The following ZNF713 variants were observed in gnomAD, a reference collection of about 807,000 sequenced individuals.
ZNF713 encodes zinc finger protein 713.
ZNF713 carries 21 observed loss-of-function variants against 28.7 expected under a neutral mutation model. The ratio of observed to expected loss-of-function variants is 0.73; its 90% CI spans 0.52 to 1.05. The LOEUF is 1.05. Among genes scored for constraint, ZNF713 ranks in the 50% least tolerant of loss-of-function variants. The pLI, the probability that ZNF713 is intolerant of heterozygous loss-of-function variation, is 0.00. For missense variants in ZNF713, 458 were observed against 532.4 expected (o/e 0.86, Z 1.37); for synonymous variants, 167 against 178.0 (o/e 0.94, Z 0.49).
At position 55,939,534 on chromosome 7, in the gene ZNF713, A is replaced by C. The variant is rs369425005; in HGVS notation, c.860A>C (p.Lys287Thr). 1 of 1,613,868 alleles carries C rather than the reference A, an allele frequency of 6.2e-7. No homozygotes were observed. The highest frequency in any genetic ancestry group is 1.3e-5 in the African/African-American group (1 of 74,922). ...QMLLTGEKPY[K>T]CDECGKRFSQ... Reference sequence around the variant, plus strand: ...TTGCTTACAGGAGAGAAGCCCTATAAGTGTGATGAATGTGGAAAAAGATTC... The same window carrying C: ...TTGCTTACAGGAGAGAAGCCCTATACGTGTGATGAATGTGGAAAAAGATTC... Residue 287 changes from lysine (K) to threonine (T), a missense_variant, in exon 7 of 7, where the codon AAG becomes ACG. Coordinates refer to ENST00000429591, the MANE Select transcript of ZNF713 (RefSeq NM_182633.3).
At chr7:55,909,313 T>G (rs940518886) in intron 2 of ZNF713, among the ~76,000 whole-genome samples, 7 of 152,208 alleles carry the variant, frequency 4.6e-5, no homozygotes, top group African/African-American at 1.7e-4. Flanking sequence ...ATGTATATTT[T>G]TGTTAACTTT....
intron 5 of ZNF713, 39 bp downstream of exon 5, chr7:55,923,327 G>A (rs143632040): frequency 1.0e-5 from 16 of 1,580,746 alleles, no homozygotes; most frequent in African/African-American, 1.4e-5. Flanking sequence ...AGCCGTTCAC[G>A]TGGGTTTATT....
At chr7:55,903,831 G>A (rs1159041605) in intron 1 of ZNF713, among the ~76,000 whole-genome samples, 3 of 152,116 alleles carry the variant, frequency 2.0e-5, no homozygotes, top group Non-Finnish European at 4.4e-5. Context: ...CAGCAGGTCC[G>A]TGTGAATGAA....
chr7:55,909,301 C>G (rs1584304773), intron 2 of ZNF713, among the ~76,000 whole-genome samples: 1 of 151,976 alleles, frequency 6.6e-6, no homozygotes, highest in Admixed American at 6.6e-5. Flanking sequence ...TGTCCTTTCC[C>G]CATGTATATT....
Position 55,939,055 on chromosome 7 carries a change from G to C in ZNF713, c.381G>C (p.Glu127Asp). 6.2e-7 allele frequency: 1 copy of C among 1,612,908 alleles called. No individual in the cohort carries two copies. The change falls in exon 7 of 7, where the codon GAG becomes GAC. Residue 127 changes from glutamate (E) to aspartate (D), a missense_variant. Physicochemically the swap from Glu to Asp is conservative, Grantham distance 45 (BLOSUM62 2). Coordinates refer to ENST00000429591, the MANE Select transcript of ZNF713 (RefSeq NM_182633.3). ...QNISDENQTHEMIMERLAGDS... is the reference protein window; with the variant it reads ...QNISDENQTHDMIMERLAGDS... The stretch of plus-strand genomic sequence containing the variant: ...TTTCTGATGAAAATCAAACCCATGA[G>C]ATGATAATGGAGAGACTCGCAGGAG...
intron 6 of ZNF713, among the ~76,000 whole-genome samples, chr7:55,928,647 A>G (rs939179201): frequency 1.1e-4 from 17 of 152,228 alleles, no homozygotes. Flanking sequence ...TACAAGATGG[A>G]AGAGAAGCAC....
At chr7:55,897,945 C>G (rs972249178) in intron 1 of ZNF713, among the ~76,000 whole-genome samples, 2 of 152,162 alleles carry the variant, frequency 1.3e-5, no homozygotes, top group African/African-American at 4.8e-5. Context: ...ACTGGTGACT[C>G]CAAGTTCCTA....
chr7:55,932,623 G>T (rs971600219), intron 6 of ZNF713, among the ~76,000 whole-genome samples: 1 of 151,116 alleles, frequency 6.6e-6, no homozygotes, highest in African/African-American at 2.4e-5. Context: ...GGTGGCTCAC[G>T]CCTGTAATCC....
intron 6 of ZNF713, among the ~76,000 whole-genome samples, chr7:55,933,726 C>G (rs985696758): frequency 1.2e-4 from 19 of 152,138 alleles, no homozygotes; most frequent in Admixed American, 9.8e-4. Context: ...GTTTGCGAGA[C>G]AGGGTCTGGC....
At chr7:55,909,010 A>G (rs1205644529) in intron 2 of ZNF713, among the ~76,000 whole-genome samples, 1 of 151,924 alleles carries the variant, frequency 6.6e-6, no homozygotes, top group Non-Finnish European at 1.5e-5. Context: ...ATCCTGGCCA[A>G]CATGGTGAAA....
intron 2 of ZNF713, among the ~76,000 whole-genome samples, chr7:55,911,078 G>A (rs1785774025): frequency 6.6e-6 from 1 of 152,198 alleles, no homozygotes; most frequent in Non-Finnish European, 1.5e-5. Context: ...CTTTTGAAAT[G>A]TTAGATTCCT....
intron 1 of ZNF713, among the ~76,000 whole-genome samples, chr7:55,889,187 T>G (rs1322561813): frequency 2.0e-5 from 3 of 151,766 alleles, no homozygotes; most frequent in African/African-American, 7.3e-5. Flanking sequence ...CCGCAACCTC[T>G]GCCTCCTGGG....
intron 6 of ZNF713, among the ~76,000 whole-genome samples, chr7:55,935,552 A>G (rs1009293107): frequency 3.9e-5 from 6 of 152,174 alleles, no homozygotes; most frequent in South Asian, 2.1e-4. Flanking sequence ...AGTTGACAGA[A>G]GATACCTGCA....
intron 6 of ZNF713, among the ~76,000 whole-genome samples, chr7:55,925,454 C>G (rs1786080098): frequency 6.6e-6 from 1 of 152,056 alleles, no homozygotes; most frequent in Admixed American, 6.6e-5. Flanking sequence ...AACCCTGTCT[C>G]TACTAAAAAT....
intron 1 of ZNF713, among the ~76,000 whole-genome samples, chr7:55,892,764 C>T (rs1296577569): frequency 4.1e-5 from 6 of 147,968 alleles, no homozygotes; most frequent in African/African-American, 1.5e-4. Context: ...CCCAGCTACT[C>T]GGGAGGCTGA....
At chr7:55,892,324 G>A (rs1198545467) in intron 1 of ZNF713, among the ~76,000 whole-genome samples, 1 of 148,010 alleles carries the variant, frequency 6.8e-6, no homozygotes, top group Non-Finnish European at 1.5e-5. Context: ...CAACGTGTGA[G>A]AGATTTGTGT....
intron 6 of ZNF713, chr7:55,923,920 C>A: frequency 5.7e-6 from 2 of 353,832 alleles, no homozygotes; most frequent in Non-Finnish European, 5.3e-6. Flanking sequence ...AAAATGCACA[C>A]AAACCAAAGG....
At chr7:55,937,482 C>G (rs1399761651) in intron 6 of ZNF713, among the ~76,000 whole-genome samples, 1 of 152,066 alleles carries the variant, frequency 6.6e-6, no homozygotes, top group East Asian at 1.9e-4. Context: ...ATGACCCTTT[C>G]TGTAACCCAT....
chr7:55,888,007 T>C (rs906381293), intron 1 of ZNF713, among the ~76,000 whole-genome samples: 2 of 151,848 alleles, frequency 1.3e-5, no homozygotes, highest in Admixed American at 1.3e-4. Flanking sequence ...TAGGAAGGTC[T>C]TACCCGTTCC....
Sources: gnomAD v4.1 joint callset for allele counts (sites outside exome capture counted in the v4.1 genomes callset) on GRCh38, gnomAD v4.1.1 for gene constraint, MANE v1.5 for transcripts, NCBI Gene and HGNC (gene_info 2026-07-23, HGNC 2026-07-21) for gene names.